Variants in MICAL2 observed in about 807,000 individuals in gnomAD.
MICAL2 encodes the protein microtubule associated monooxygenase, calponin and LIM domain containing 2, also known as [F-actin]-monooxygenase MICAL2.
Under a neutral mutation model 127.3 loss-of-function variants are expected in MICAL2, and 77 were observed. The ratio of observed to expected loss-of-function variants is 0.60; its 90% confidence interval spans 0.50 to 0.73. MICAL2 has a LOEUF of 0.73. Ranked by LOEUF, MICAL2 falls within the 30% of genes least tolerant of loss-of-function variation. The probability of loss-of-function intolerance (pLI) is 0.00; values close to 1 mark genes in which losing one functional copy is unlikely to be tolerated. For synonymous variants in MICAL2, 570 were observed against 551.1 expected, an observed-to-expected ratio of 1.03 and a Z score of -0.48; for missense variants, 1,351 against 1,434.4, an observed-to-expected ratio of 0.94 and a Z score of 0.94.
intron 2 of MICAL2, among the ~76,000 whole-genome samples, chr11:12,282,800 C>T (rs1863786125): frequency 6.6e-6 from 1 of 152,232 alleles, no homozygotes; most frequent in Admixed American, 6.5e-5. Context: ...TGTGTTCGAT[C>T]ATGTCTTAAC....
At chr11:12,175,203 C>T (rs954082673) in intron 3 of MICAL2, among the ~76,000 whole-genome samples, 4 of 151,866 alleles carry the variant, frequency 2.6e-5, no homozygotes, top group African/African-American at 9.7e-5. Context: ...AAACCGAGCA[C>T]GATGGCTCAC....
At chr11:12,150,862 A>G (rs1853498141) in intron 2 of MICAL2, among the ~76,000 whole-genome samples, 1 of 152,126 alleles carries the variant, frequency 6.6e-6, no homozygotes, top group South Asian at 2.1e-4. Context: ...TTATGTGAAA[A>G]TGTATCCATT....
intron 2 of MICAL2, among the ~76,000 whole-genome samples, chr11:12,158,467 A>T (rs1005634702): frequency 1.3e-5 from 2 of 151,670 alleles, no homozygotes; most frequent in African/African-American, 4.9e-5. Flanking sequence ...GTCCCACATC[A>T]CAGATACAAC....
intron 29 of MICAL2, among the ~76,000 whole-genome samples, chr11:12,313,359 A>G (rs1864196515): frequency 6.6e-6 from 1 of 151,950 alleles, no homozygotes; most frequent in African/African-American, 2.4e-5. Flanking sequence ...GTTTCTATGA[A>G]TAACCGCGGG....
At chr11:12,306,619 T>G (rs1483771398) in intron 29 of MICAL2, among the ~76,000 whole-genome samples, 2 of 152,222 alleles carry the variant, frequency 1.3e-5, no homozygotes, top group Non-Finnish European at 1.5e-5. Context: ...AATTAATCCC[T>G]TTTCCATATT....
intron 32 of MICAL2, among the ~76,000 whole-genome samples, chr11:12,332,680 G>A (rs948680081): frequency 4.6e-5 from 7 of 152,152 alleles, no homozygotes; most frequent in Non-Finnish European, 1.0e-4. Context: ...GAGCCCAGAT[G>A]GCACCTGTGC....
At chr11:12,228,973 C>T (rs1857846435) in intron 15 of MICAL2, among the ~76,000 whole-genome samples, 1 of 152,142 alleles carries the variant, frequency 6.6e-6, no homozygotes, top group Non-Finnish European at 1.5e-5. Flanking sequence ...TGCCTGCCCT[C>T]TCCAGGATGG....
intron 1 of MICAL2, among the ~76,000 whole-genome samples, chr11:12,278,395 G>C (rs1466028781): frequency 6.6e-6 from 1 of 152,050 alleles, no homozygotes. Context: ...CAGCATCACT[G>C]CAAACACGTG....
At chr11:12,197,214 G>A (rs1437015339) in intron 3 of MICAL2, among the ~76,000 whole-genome samples, 1 of 152,208 alleles carries the variant, frequency 6.6e-6, no homozygotes, top group African/African-American at 2.4e-5. Context: ...ATTAATATAG[G>A]ATTGGGATTT....
chr11:12,324,510 C>G (rs1227861531), intron 31 of MICAL2, among the ~76,000 whole-genome samples: 1 of 152,188 alleles, frequency 6.6e-6, no homozygotes, highest in Non-Finnish European at 1.5e-5. Flanking sequence ...AAGTATCTAG[C>G]ATTCCAATAC....
At chr11:12,165,542 C>A (rs1301005676) in intron 3 of MICAL2, among the ~76,000 whole-genome samples, 1 of 152,244 alleles carries the variant, frequency 6.6e-6, no homozygotes. Context: ...CCTGGTTAGC[C>A]ATAGGCAGAG....
At chr11:12,260,577 A>C (rs1444717269) in intron 26 of MICAL2, 4 of 994,506 alleles carry the variant, frequency 4.0e-6, no homozygotes, top group Non-Finnish European at 4.8e-6. Context: ...TGGATGATTT[A>C]AGATTTTACA....
downstream of MICAL2, among the ~76,000 whole-genome samples, chr11:12,295,148 T>C (rs1208079752): frequency 6.6e-6 from 1 of 151,712 alleles, no homozygotes; most frequent in East Asian, 1.9e-4. Context: ...TTGTATCTTT[T>C]TTTTTTTTTG....
rs144229834 is a variant in MICAL2 at position 12,340,445 on chromosome 11, A to G, written c.5516-9393A>G. Among the ~76,000 whole-genome samples, 425 of 152,330 alleles carry G rather than the reference A, an allele frequency of 2.8e-3. 2 individuals are homozygous for G. The highest frequency in any genetic ancestry group is 0.014 in the Middle Eastern group (4 of 294). On this transcript the variant is annotated intron_variant, in intron 32 of 34. Transcript: ENST00000646065. The stretch of plus-strand genomic sequence containing the variant: ...CTTATTCAATGTTAATGGGAACACA[A>G]ATTGTCACAACACTTTGGAAAACAA...
downstream of MICAL2, chr11:12,294,637 C>G: frequency 6.2e-7 from 1 of 1,614,194 alleles, no homozygotes; most frequent in Non-Finnish European, 8.5e-7. Flanking sequence ...CCCTCAGACT[C>G]AAAGACAAAT....
chr11:12,290,780 C>A (rs1241407198), downstream of MICAL2, among the ~76,000 whole-genome samples: 1 of 152,158 alleles, frequency 6.6e-6, no homozygotes, highest in African/African-American at 2.4e-5. Flanking sequence ...TGTTCAGAGC[C>A]CACGGCTGGG....
intron 3 of MICAL2, among the ~76,000 whole-genome samples, chr11:12,180,921 C>CTTTTTTTTT (rs56946936): frequency 8.6e-4 from 71 of 82,416 alleles, no homozygotes; most frequent in Non-Finnish European, 1.4e-3. Flanking sequence ...TATTTTCCTT[C>CTTTTTTTTT]TTTTTTTTTT....
chr11:12,180,962 C>G (rs1210092122), intron 3 of MICAL2, among the ~76,000 whole-genome samples: 1 of 47,588 alleles, frequency 2.1e-5, no homozygotes, highest in Non-Finnish European at 5.1e-5. Context: ...GAGTTTTGCT[C>G]TTTTGCTCAG....
At chr11:12,143,170 G>A (rs1026816692) in intron 2 of MICAL2, among the ~76,000 whole-genome samples, 10 of 152,204 alleles carry the variant, frequency 6.6e-5, no homozygotes, top group Non-Finnish European at 1.0e-4. Flanking sequence ...ACTGAAGGAT[G>A]ATCAGGAGGT....
Sources: gnomAD v4.1 joint callset for allele counts (sites outside exome capture counted in the v4.1 genomes callset) on GRCh38, gnomAD v4.1.1 for gene constraint, MANE v1.5 for transcripts, NCBI Gene and HGNC (gene_info 2026-07-23, HGNC 2026-07-21) for gene names.